Variants in RAB6B observed in about 807,000 individuals in gnomAD.
RAB6B encodes the protein RAB6B, member RAS oncogene family.
RAB6B carries 7 observed loss-of-function variants against 31.2 expected under a neutral mutation model. That is an observed-to-expected ratio of 0.22 (90% CI 0.13 to 0.42). The LOEUF (loss-of-function observed/expected upper bound fraction) is 0.42, where lower values mean the gene tolerates loss of function less well. RAB6B is among the 10% of genes least tolerant of loss of function. RAB6B has a pLI of 1.00. For synonymous variants in RAB6B, 105 were observed against 104.9 expected (o/e 1.00, Z -0.01); for missense variants, 149 against 280.6 (o/e 0.53, Z 3.35).
At chr3:133,848,107 C>G (rs975583883) in intron 2 of RAB6B, among the ~76,000 whole-genome samples, 1 of 152,224 alleles carries the variant, frequency 6.6e-6, no homozygotes, top group African/African-American at 2.4e-5. Flanking sequence ...AGACAGCTGA[C>G]TAAATATAGT....
In RAB6B at chr3:133,828,636, C is replaced by G; in HGVS notation, c.*152G>C. 16 of 527,700 alleles carry G rather than the reference C, an allele frequency of 3.0e-5. No homozygotes were observed. Among genetic ancestry groups the G allele is most frequent in the East Asian group, 9.1e-5 (2 of 21,858 alleles). 32.7% of individuals were successfully genotyped at this position (527,700 alleles called of 1,614,324 possible). On this transcript the variant is annotated 3_prime_UTR_variant, in exon 8 of 8. Coordinates refer to ENST00000285208, the MANE Select transcript of RAB6B (RefSeq NM_016577.4). ...TGATGTGATCCCTGATGCCCAGCCTCCCTCCCCATCCCACCCTACTCCTAA... is the reference window on the plus strand; with the variant it reads ...TGATGTGATCCCTGATGCCCAGCCTGCCTCCCCATCCCACCCTACTCCTAA...
Position 133,875,572 on chromosome 3 carries a change from G to A in RAB6B, c.71-10930C>T, listed in dbSNP as rs187510932. Among the ~76,000 whole-genome samples the A allele has an allele frequency of 2.4e-4, 36 of 152,192 alleles. No homozygotes were observed. The East Asian group carries it at 5.8e-3, about 24-fold the overall frequency. ...CTTCTTCACTTTCCAAAGCCCCCAG[G>A]CCCAGCCTGCACATCAGTCTTGGCC... On this transcript the variant is annotated intron_variant, in intron 1 of 7. Transcript: ENST00000285208.
chr3:133,840,629 A>AG (rs1935811847), intron 4 of RAB6B, among the ~76,000 whole-genome samples: 1 of 152,188 alleles, frequency 6.6e-6, no homozygotes, highest in Non-Finnish European at 1.5e-5. Context: ...CGCCCACTTC[A>AG]GGGTAACCAC....
intron 1 of RAB6B, among the ~76,000 whole-genome samples, chr3:133,867,960 C>T (rs1319188939): frequency 6.6e-6 from 1 of 152,210 alleles, no homozygotes; most frequent in African/African-American, 2.4e-5. Flanking sequence ...CTCGTCACTT[C>T]TGCCAGGGTA....
At chr3:133,838,091 T>A in intron 6 of RAB6B, 75 bp downstream of exon 6, 1 of 1,467,892 alleles carries the variant, frequency 6.8e-7, no homozygotes, top group South Asian at 1.1e-5. Flanking sequence ...GCAAGGCAGC[T>A]CTGAGCCTGC....
In RAB6B at chr3:133,856,166, T is replaced by G. The variant is rs76557748; in HGVS notation, c.129+8418A>C. On this transcript the variant is annotated intron_variant, in intron 2 of 7. Coordinates refer to ENST00000285208, the MANE Select transcript of RAB6B (RefSeq NM_016577.4). The stretch of plus-strand genomic sequence containing the variant: ...TACAAAATTAAAACTCTCCTTCATT[T>G]ATGCCACTGTTCATCAGCTTTCTGT... 5.8e-3 allele frequency among the ~76,000 whole-genome samples: 885 copies of G among 152,294 alleles called. 4 individuals are homozygous for G. The highest frequency in any genetic ancestry group is 9.8e-3 in the Non-Finnish European group (667 of 68,022).
intron 2 of RAB6B, among the ~76,000 whole-genome samples, chr3:133,848,867 G>T (rs555412066): frequency 1.3e-5 from 2 of 151,850 alleles, no homozygotes; most frequent in African/African-American, 2.4e-5. Context: ...ATTGCACAGG[G>T]TTATTTTTCT....
At position 133,877,891 on chromosome 3, in the gene RAB6B, T is replaced by A. The variant is rs979286610; in HGVS notation, c.71-13249A>T. On this transcript the variant is annotated intron_variant, in intron 1 of 7. Coordinates refer to ENST00000285208, the MANE Select transcript of RAB6B (RefSeq NM_016577.4). ...AAAAATAGATTTTCAAAGACACAAA[T>A]CAAACTTCCAGAGGTAACAACTACA... is the stretch of plus-strand genomic sequence containing the variant. Among the ~76,000 whole-genome samples the A allele has an allele frequency of 2.6e-5, 4 of 151,408 alleles. No homozygotes were observed. In the South Asian group the frequency reaches 8.3e-4, roughly 31 times the overall value.
At chr3:133,829,811 C>G (rs190942667) in intron 7 of RAB6B, among the ~76,000 whole-genome samples, 1 of 152,306 alleles carries the variant, frequency 6.6e-6, no homozygotes, top group African/African-American at 2.4e-5. Flanking sequence ...TGAGGATGCT[C>G]AGAGCCAACT....
At chr3:133,869,165 CAG>C (rs558737692) in intron 1 of RAB6B, among the ~76,000 whole-genome samples, 42 of 152,176 alleles carry the variant, frequency 2.8e-4, no homozygotes, top group Non-Finnish European at 5.4e-4. Context: ...GGCACAGAGA[CAG>C]GGAGAGAAAA....
chr3:133,863,795 G>C (rs1936196022), intron 2 of RAB6B, among the ~76,000 whole-genome samples: 1 of 152,096 alleles, frequency 6.6e-6, no homozygotes, highest in Non-Finnish European at 1.5e-5. Flanking sequence ...CTCTATCTAA[G>C]GAATAAAACA....
Position 133,828,111 on chromosome 3 carries a change from C to G in RAB6B, c.*677G>C, listed in dbSNP as rs903768559. On this transcript the variant is annotated 3_prime_UTR_variant, in exon 8 of 8. Transcript: ENST00000285208. ...AGAAGGAGAGGTGGGAGCAGTTCCT[C>G]TGGGGGCTGCTGCCGGGCTGCCTAG... The G allele has an allele frequency of 1.6e-6, 1 of 637,936 alleles. No individual in the cohort carries two copies. Among genetic ancestry groups the G allele is most frequent in the Admixed American group, 2.3e-5 (1 of 44,340 alleles). 39.5% of individuals were successfully genotyped at this position (637,936 alleles called of 1,614,324 possible).
chr3:133,856,715 G>T (rs573725726), intron 2 of RAB6B, among the ~76,000 whole-genome samples: 3 of 152,126 alleles, frequency 2.0e-5, no homozygotes, highest in African/African-American at 7.2e-5. Flanking sequence ...TCATTTTGTA[G>T]TTACCATAAG....
At chr3:133,846,310 C>T (rs1265152169) in intron 2 of RAB6B, among the ~76,000 whole-genome samples, 1 of 152,132 alleles carries the variant, frequency 6.6e-6, no homozygotes, top group Non-Finnish European at 1.5e-5. Flanking sequence ...AGCCAGGTAT[C>T]TTGGCGGACG....
chr3:133,881,808 C>T (rs948978321), intron 1 of RAB6B, among the ~76,000 whole-genome samples: 2 of 152,250 alleles, frequency 1.3e-5, no homozygotes, highest in East Asian at 1.9e-4. Context: ...CTCCTGGACA[C>T]TCCAATGTCT....
intron 7 of RAB6B, 75 bp downstream of exon 7, chr3:133,834,500 C>G: frequency 6.8e-7 from 1 of 1,465,362 alleles, no homozygotes; most frequent in Non-Finnish European, 9.6e-7. Flanking sequence ...GAGTGTCTGT[C>G]CACTGCACTA....
chr3:133,881,844 G>T (rs1045848041), intron 1 of RAB6B, among the ~76,000 whole-genome samples: 15 of 152,192 alleles, frequency 9.9e-5, no homozygotes, highest in Non-Finnish European at 2.2e-4. Context: ...GCCATCTCAG[G>T]TGTCACCTTC....
At chr3:133,842,310 T>C (rs1427003948) in intron 2 of RAB6B, among the ~76,000 whole-genome samples, 1 of 152,230 alleles carries the variant, frequency 6.6e-6, no homozygotes. Flanking sequence ...CTGGCACCTG[T>C]GAGAGGCAGC....
At chr3:133,860,818 T>C (rs932784080) in intron 2 of RAB6B, among the ~76,000 whole-genome samples, 7 of 152,180 alleles carry the variant, frequency 4.6e-5, no homozygotes, top group African/African-American at 1.7e-4. Context: ...GGACAGCCCG[T>C]TAAGTCAGTG....
Sources: gnomAD v4.1 joint callset for allele counts (sites outside exome capture counted in the v4.1 genomes callset) on GRCh38, gnomAD v4.1.1 for gene constraint, MANE v1.5 for transcripts, NCBI Gene and HGNC (gene_info 2026-07-23, HGNC 2026-07-21) for gene names.